The following ATG13 variants were observed in gnomAD, a reference collection of about 807,000 sequenced individuals.
ATG13 encodes autophagy related 13.
In ATG13, 23 loss-of-function variants were observed where a neutral mutation model predicts 65.5. That is an observed-to-expected ratio of 0.35 (90% CI 0.25 to 0.50). The LOEUF (loss-of-function observed/expected upper bound fraction) is 0.50, where lower values mean the gene tolerates loss of function less well. Among genes scored for constraint, ATG13 ranks in the 20% least tolerant of loss-of-function variants. The pLI, the probability that ATG13 is intolerant of heterozygous loss-of-function variation, is 0.98. For missense variants in ATG13, 566 were observed against 677.0 expected (o/e 0.84, Z 1.82); for synonymous variants, 252 against 245.2 (o/e 1.03, Z -0.26).
intron 6 of ATG13, among the ~76,000 whole-genome samples, chr11:46,649,852 C>G (rs1323156415): frequency 6.6e-6 from 1 of 152,098 alleles, no homozygotes; most frequent in Non-Finnish European, 1.5e-5. Context: ...TCGAGATAGA[C>G]AGCTCATAGG....
At chr11:46,664,814 T>G in intron 12 of ATG13, 35 bp from the exon 13 acceptor site, 1 of 1,586,340 alleles carries the variant, frequency 6.3e-7, no homozygotes, top group Non-Finnish European at 8.7e-7. Flanking sequence ...TTTCCTTGCC[T>G]TTCCTTTTCT....
intron 15 of ATG13, among the ~76,000 whole-genome samples, 158 bp from the exon 16 acceptor site, chr11:46,668,341 G>A (rs776671836): frequency 6.6e-6 from 1 of 152,200 alleles, no homozygotes; most frequent in Non-Finnish European, 1.5e-5. Flanking sequence ...GGAGGTGAGC[G>A]AGCTTGGAGA....
At chr11:46,641,653 T>C (rs2056063734) in intron 2 of ATG13, among the ~76,000 whole-genome samples, 1 of 152,238 alleles carries the variant, frequency 6.6e-6, no homozygotes, top group Admixed American at 6.5e-5. Context: ...TTGGATATGT[T>C]CTATAACTGT....
At chr11:46,662,210 A>G (rs1488414991) in intron 11 of ATG13, among the ~76,000 whole-genome samples, 1 of 152,186 alleles carries the variant, frequency 6.6e-6, no homozygotes, top group Non-Finnish European at 1.5e-5. Context: ...ACTTGTAGAT[A>G]TGTCTAATAT....
In ATG13 at chr11:46,645,863, T is replaced by C; in HGVS notation, c.151-7T>C. The C allele has an allele frequency of 6.2e-7, 1 of 1,614,050 alleles. No homozygotes were observed. Among genetic ancestry groups the C allele is most frequent in the Non-Finnish European group, 8.5e-7 (1 of 1,179,968 alleles). On this transcript the variant is annotated splice_region_variant and splice_polypyrimidine_tract_variant and intron_variant, in intron 4 of 18. Coordinates refer to ENST00000683050, the MANE Select transcript of ATG13 (RefSeq NM_001346311.2). ...TGTTTCATGCAAAAGTCCCTTTTGT[T>C]TTCCAGTTCAACTTAGCAATCAAAG...
intron 2 of ATG13, among the ~76,000 whole-genome samples, chr11:46,631,256 A>G (rs936791578): frequency 6.6e-6 from 1 of 152,146 alleles, no homozygotes; most frequent in African/African-American, 2.4e-5. Flanking sequence ...CAGTGGTGCA[A>G]TCATAGCTCA....
intron 1 of ATG13, among the ~76,000 whole-genome samples, chr11:46,626,625 C>A (rs1016584964): frequency 3.3e-5 from 5 of 152,140 alleles, no homozygotes; most frequent in Non-Finnish European, 7.3e-5. Flanking sequence ...CACCAGGTTT[C>A]TCTTTGTAAT....
chr11:46,635,515 G>C (rs1301498774), intron 2 of ATG13, among the ~76,000 whole-genome samples: 2 of 152,154 alleles, frequency 1.3e-5, no homozygotes, highest in Non-Finnish European at 2.9e-5. Flanking sequence ...GCAGGATTTA[G>C]TAACTGGATA....
At chr11:46,634,903 A>C (rs1418528043) in intron 2 of ATG13, among the ~76,000 whole-genome samples, 1 of 150,774 alleles carries the variant, frequency 6.6e-6, no homozygotes, top group Admixed American at 6.6e-5. Context: ...GGGTTTCACC[A>C]TATTGGCCAG....
intron 2 of ATG13, among the ~76,000 whole-genome samples, chr11:46,633,214 T>C (rs2052606345): frequency 6.7e-6 from 1 of 148,432 alleles, no homozygotes; most frequent in African/African-American, 2.5e-5. Context: ...TTGGTGGAGA[T>C]GGGGCTTCAC....
intron 7 of ATG13, among the ~76,000 whole-genome samples, chr11:46,652,621 G>A (rs1052695938): frequency 4.0e-5 from 6 of 151,884 alleles, no homozygotes; most frequent in African/African-American, 1.5e-4. Flanking sequence ...GAGGCTGAGG[G>A]AGGATTGCTT....
Position 46,672,676 on chromosome 11 carries a change from G to A in ATG13, c.*344G>A. 7.3e-7 allele frequency: 1 copy of A among 1,371,800 alleles called. No homozygotes were observed. Among genetic ancestry groups the A allele is most frequent in the Non-Finnish European group, 9.7e-7 (1 of 1,036,100 alleles). 85.0% of individuals were successfully genotyped at this position (1,371,800 alleles called of 1,614,324 possible). A position where few individuals can be genotyped will look rare whatever the true frequency, so the allele number is the denominator to read the frequency against. ...CCTCCTGCTGCCGGCCTCCTGCCTG[G>A]GCCTGCCTTGCAGCTGGCCCCTTCC... On this transcript the variant is annotated 3_prime_UTR_variant, in exon 19 of 19. Coordinates refer to ENST00000683050, the MANE Select transcript of ATG13 (RefSeq NM_001346311.2).
intron 7 of ATG13, among the ~76,000 whole-genome samples, chr11:46,651,316 G>C (rs1190131057): frequency 1.1e-4 from 16 of 152,376 alleles, no homozygotes; most frequent in Non-Finnish European, 7.3e-5. Context: ...CAGTTCTTAT[G>C]AAGGAAGTAG....
intron 2 of ATG13, among the ~76,000 whole-genome samples, chr11:46,638,017 T>C (rs528847093): frequency 6.6e-6 from 1 of 152,376 alleles, no homozygotes; most frequent in East Asian, 1.9e-4. Flanking sequence ...TGATACATAA[T>C]AATTATACAT....
At chr11:46,622,338 C>T (rs2048012884) in intron 1 of ATG13, among the ~76,000 whole-genome samples, 1 of 151,542 alleles carries the variant, frequency 6.6e-6, no homozygotes, top group Admixed American at 6.6e-5. Flanking sequence ...AAGATGGTCT[C>T]GATCTCCTGA....
chr11:46,648,774 CT>C (rs2058275077), intron 5 of ATG13: 2 of 114,196 alleles, frequency 1.8e-5, no homozygotes, highest in East Asian at 2.7e-4. Context: ...GAGACTCTGT[CT>C]TTAAAAAAAA....
At chr11:46,665,087 G>C in intron 13 of ATG13, 128 bp downstream of exon 13, 1 of 970,856 alleles carries the variant, frequency 1.0e-6, no homozygotes, top group Non-Finnish European at 1.5e-6. Context: ...ACTCTTTCGT[G>C]ACTTCAGAGA....
intron 11 of ATG13, 21 bp downstream of exon 11, chr11:46,659,506 G>T (rs1321864000): frequency 1.9e-6 from 3 of 1,589,054 alleles, no homozygotes; most frequent in Non-Finnish European, 2.6e-6. Context: ...GCAGGTTCTG[G>T]GGTGGTGGTA....
intron 17 of ATG13, 65 bp from the exon 18 acceptor site, chr11:46,669,339 T>C: frequency 1.3e-6 from 2 of 1,577,360 alleles, no homozygotes; most frequent in Non-Finnish European, 1.7e-6. Flanking sequence ...AAGGAAAGAC[T>C]TGTTCATAGC....
Sources: allele counts gnomAD v4.1 joint callset (sites outside exome capture counted in the v4.1 genomes callset), GRCh38; gene constraint gnomAD v4.1.1; transcripts MANE v1.5; gene names NCBI Gene and HGNC (gene_info 2026-07-23, HGNC 2026-07-21).